Variants in MIPEP observed in about 807,000 individuals in gnomAD.
MIPEP encodes the protein mitochondrial intermediate peptidase.
Under a neutral mutation model 90.3 loss-of-function variants are expected in MIPEP, and 79 were observed. The ratio of observed to expected loss-of-function variants is 0.87; its 90% confidence interval spans 0.73 to 1.05. MIPEP has a LOEUF of 1.05. Ranked by LOEUF, MIPEP falls within the 50% of genes least tolerant of loss-of-function variation. The pLI, the probability that MIPEP is intolerant of heterozygous loss-of-function variation, is 0.00. For synonymous variants in MIPEP, 334 were observed against 315.8 expected (o/e 1.06, Z -0.61); for missense variants, 940 against 905.6 (o/e 1.04, Z -0.49).
chr13:23,857,802 A>G (rs935587767), intron 10 of MIPEP, among the ~76,000 whole-genome samples: 2 of 152,188 alleles, frequency 1.3e-5, no homozygotes, highest in African/African-American at 4.8e-5. Flanking sequence ...ATAGAAAGTT[A>G]TTGTTTTCTG....
chr13:23,888,249 G>A, intron 1 of MIPEP: 2 of 255,534 alleles, frequency 7.8e-6, no homozygotes, highest in Non-Finnish European at 1.6e-5. Context: ...CCTTAAGGAA[G>A]GTGGTGTAGC....
chr13:23,771,581 G>A (rs1327784338), intron 16 of MIPEP, among the ~76,000 whole-genome samples: 2 of 148,558 alleles, frequency 1.3e-5, no homozygotes, highest in Non-Finnish European at 3.0e-5. Context: ...CTGCATTTCT[G>A]AAGTGACAAA....
chr13:23,781,503 C>A (rs1222719032), intron 16 of MIPEP, among the ~76,000 whole-genome samples: 3 of 152,186 alleles, frequency 2.0e-5, no homozygotes, highest in Admixed American at 2.0e-4. Context: ...CAAAAACATG[C>A]CAAATTGTAA....
chr13:23,754,041 T>G (rs1348309114), intron 18 of MIPEP, among the ~76,000 whole-genome samples: 1 of 152,186 alleles, frequency 6.6e-6, no homozygotes, highest in East Asian at 1.9e-4. Flanking sequence ...TTCTTTACAT[T>G]TATCCAGGAA....
At chr13:23,864,354 T>C (rs1870435459) in intron 7 of MIPEP, among the ~76,000 whole-genome samples, 165 bp from the exon 8 acceptor site, 1 of 152,164 alleles carries the variant, frequency 6.6e-6, no homozygotes, top group Non-Finnish European at 1.5e-5. Flanking sequence ...ATATAGTAAA[T>C]GCTTCTAGGT....
chr13:23,776,819 TA>T (rs34142881), intron 16 of MIPEP, among the ~76,000 whole-genome samples: 71,878 of 147,242 alleles, frequency 0.49, 18,258 homozygotes, highest in South Asian at 0.64. Flanking sequence ...TGACCTGCAT[TA>T]AAAAAAAAAA....
chr13:23,856,001 T>C (rs1226919053), intron 10 of MIPEP, among the ~76,000 whole-genome samples: 1 of 152,204 alleles, frequency 6.6e-6, no homozygotes, highest in Non-Finnish European at 1.5e-5. Flanking sequence ...TTGCTTTTCA[T>C]GGTTACTGGT....
intron 3 of MIPEP, among the ~76,000 whole-genome samples, chr13:23,880,499 G>A (rs1036010606): frequency 2.6e-5 from 4 of 152,160 alleles, no homozygotes; most frequent in African/African-American, 4.8e-5. Flanking sequence ...TTTGTCCTCC[G>A]ACAAAATGAA....
intron 18 of MIPEP, among the ~76,000 whole-genome samples, chr13:23,737,333 A>G (rs572085622): frequency 4.1e-4 from 62 of 152,312 alleles, no homozygotes; most frequent in Non-Finnish European, 7.6e-4. Context: ...AGGGCACAAC[A>G]GTGCTCACAA....
chr13:23,861,952 A>G (rs1442503901), intron 9 of MIPEP, among the ~76,000 whole-genome samples: 1 of 152,232 alleles, frequency 6.6e-6, no homozygotes. Flanking sequence ...TGATGGTTAA[A>G]ATTGCCACCT....
chr13:23,787,106 T>C (rs3794334), intron 16 of MIPEP, among the ~76,000 whole-genome samples: 62,941 of 152,050 alleles, frequency 0.41, 14,534 homozygotes, highest in Non-Finnish European at 0.53. Context: ...AGTATCCACA[T>C]GTTGTGTCTG....
At chr13:23,764,061 C>T (rs1952571750) in intron 16 of MIPEP, among the ~76,000 whole-genome samples, 1 of 152,144 alleles carries the variant, frequency 6.6e-6, no homozygotes, top group African/African-American at 2.4e-5. Flanking sequence ...TTTCTTCTTC[C>T]TAAGGGATAT....
chr13:23,751,790 A>G (rs1174283444), intron 18 of MIPEP, among the ~76,000 whole-genome samples: 1 of 152,156 alleles, frequency 6.6e-6, no homozygotes, highest in South Asian at 2.1e-4. Flanking sequence ...ATGGCTAAAA[A>G]TGGTTATAAA....
intron 10 of MIPEP, among the ~76,000 whole-genome samples, chr13:23,858,413 T>G (rs887706433): frequency 2.5e-5 from 3 of 122,100 alleles, no homozygotes; most frequent in Non-Finnish European, 4.9e-5. Context: ...CAAATAAAAA[T>G]GAGAAAACAT....
intron 10 of MIPEP, among the ~76,000 whole-genome samples, chr13:23,846,464 T>A (rs1482323892): frequency 6.6e-6 from 1 of 152,214 alleles, no homozygotes; most frequent in Non-Finnish European, 1.5e-5. Context: ...TCCAAAATGC[T>A]TGGGATATGT....
intron 12 of MIPEP, 53 bp downstream of exon 12, chr13:23,839,596 C>A: frequency 8.1e-7 from 1 of 1,228,098 alleles, no homozygotes; most frequent in Non-Finnish European, 1.1e-6. Context: ...CACATCAATA[C>A]AAATGAAATG....
intron 7 of MIPEP, among the ~76,000 whole-genome samples, chr13:23,868,402 T>C (rs1044151344): frequency 2.0e-5 from 3 of 152,068 alleles, no homozygotes; most frequent in African/African-American, 7.2e-5. Flanking sequence ...TGAGTGCATT[T>C]AGAGAACTTT....
At chr13:23,887,986 C>T (rs1871581995) in intron 1 of MIPEP, 1 of 340,358 alleles carries the variant, frequency 2.9e-6, no homozygotes, top group Non-Finnish European at 5.6e-6. Context: ...CTCGGGAATT[C>T]TAACTATCGG....
intron 16 of MIPEP, among the ~76,000 whole-genome samples, chr13:23,801,221 T>C (rs1391219470): frequency 6.6e-6 from 1 of 152,190 alleles, no homozygotes; most frequent in Non-Finnish European, 1.5e-5. Flanking sequence ...TTCTATCCGA[T>C]ATGGAAGTTG....
Sources: gnomAD v4.1 joint callset for allele counts (sites outside exome capture counted in the v4.1 genomes callset) on GRCh38, gnomAD v4.1.1 for gene constraint, MANE v1.5 for transcripts, NCBI Gene and HGNC (gene_info 2026-07-23, HGNC 2026-07-21) for gene names.